The following PIAS4 variants were observed in gnomAD, a reference collection of about 807,000 sequenced individuals.
PIAS4 encodes E3 SUMO-protein ligase PIAS4.
PIAS4 carries 7 observed loss-of-function variants against 58.0 expected under a neutral mutation model. The observed-to-expected ratio is 0.12, with a 90% CI of 0.07 to 0.23. The LOEUF (loss-of-function observed/expected upper bound fraction) is 0.23. PIAS4 is among the 10% of genes least tolerant of loss of function. PIAS4 has a pLI of 1.00. For synonymous variants in PIAS4, 364 were observed against 312.4 expected, an observed-to-expected ratio of 1.17 and a Z score of -1.74; for missense variants, 550 against 709.5, an observed-to-expected ratio of 0.78 and a Z score of 2.55.
chr19:4,034,842 A>G (rs1229455741), intron 9 of PIAS4, among the ~76,000 whole-genome samples: 1 of 152,014 alleles, frequency 6.6e-6, no homozygotes, highest in Non-Finnish European at 1.5e-5. Flanking sequence ...CTTGGTTCAT[A>G]CTTTGTTCCA....
chr19:4,027,168 A>G (rs1179786063), intron 3 of PIAS4, among the ~76,000 whole-genome samples: 7 of 152,016 alleles, frequency 4.6e-5, no homozygotes, highest in Non-Finnish European at 1.5e-5. Context: ...TTGTATTTTT[A>G]GTAGAGACGA....
chr19:4,036,844 G>T (rs549869358), intron 9 of PIAS4, among the ~76,000 whole-genome samples: 14 of 140,684 alleles, frequency 1.0e-4, no homozygotes, highest in African/African-American at 4.3e-4. Context: ...ACACACACAC[G>T]CCCACACCCG....
intron 2 of PIAS4, among the ~76,000 whole-genome samples, chr19:4,023,612 CG>C (rs1163488282): frequency 1.3e-5 from 2 of 152,226 alleles, no homozygotes; most frequent in African/African-American, 4.8e-5. Context: ...CACCTCTGTC[CG>C]GGTGACGTGG....
At position 4,013,670 on chromosome 19, in the gene PIAS4, C is replaced by T. The variant is rs1347594207; in HGVS notation, c.454+321C>T. ...TGAGGCTCAGTCAGGCTGGAGCCAC[C>T]TCATCTGGAGGCTCGACCAGGGCTG... On this transcript the variant is annotated intron_variant, in intron 2 of 10. Coordinates refer to ENST00000262971, the MANE Select transcript of PIAS4 (RefSeq NM_015897.4). This position sits in a 1 kb window ranked among gnomAD's most constrained non-coding sequence, Gnocchi z 5.1. Among the ~76,000 whole-genome samples, 1 of 152,150 alleles carries T rather than the reference C, an allele frequency of 6.6e-6. No homozygotes were observed. The highest frequency in any genetic ancestry group is 1.5e-5 in the Non-Finnish European group (1 of 68,008).
chr19:4,022,872 T>A (rs2040124108), intron 2 of PIAS4, among the ~76,000 whole-genome samples: 1 of 151,524 alleles, frequency 6.6e-6, no homozygotes, highest in Non-Finnish European at 1.5e-5. Context: ...ACCCTGCTGT[T>A]TTTTTAAGAG....
intron 2 of PIAS4, among the ~76,000 whole-genome samples, chr19:4,014,149 G>A (rs1455744950): frequency 1.3e-5 from 2 of 152,338 alleles, no homozygotes; most frequent in East Asian, 1.9e-4. Context: ...TGCACCGGGC[G>A]TGCTGGGGGT....
intron 2 of PIAS4, among the ~76,000 whole-genome samples, chr19:4,015,116 G>C (rs2040038584): frequency 6.6e-6 from 1 of 152,216 alleles, no homozygotes; most frequent in African/African-American, 2.4e-5. Flanking sequence ...GTCTTGGCCT[G>C]AGTTCCATCG....
rs1460141183 is a variant in PIAS4, at chr19:4,038,181, G to C, written c.*306G>C. On this transcript the variant is annotated 3_prime_UTR_variant, in exon 11 of 11. Coordinates refer to ENST00000262971, the MANE Select transcript of PIAS4 (RefSeq NM_015897.4). This position sits in a 1 kb window ranked among gnomAD's most constrained non-coding sequence, Gnocchi z 4.1. ...CTGGAGTCCGAGCCGGGAAGGGGTA[G>C]TGGGCGGGAGGGACCAGGACGCCGC... The C allele has an allele frequency of 1.4e-5, 5 of 349,974 alleles. No homozygotes were observed. Among genetic ancestry groups the C allele is most frequent in the Non-Finnish European group, 1.6e-5 (3 of 191,224 alleles). 21.7% of individuals were successfully genotyped at this position (349,974 alleles called of 1,614,324 possible).
rs145587326 is a variant in PIAS4 at position 4,014,834 on chromosome 19, G to T, written c.454+1485G>T. On this transcript the variant is annotated intron_variant, in intron 2 of 10. Coordinates refer to ENST00000262971, the MANE Select transcript of PIAS4 (RefSeq NM_015897.4). ...GCGTTGATGGGGGTAGGGGGAAGGG[G>T]AACTGGCTGCTTTTCCCCTCCCATC... Among the ~76,000 whole-genome samples, 43 of 152,354 alleles carry T rather than the reference G, an allele frequency of 2.8e-4. No individual in the cohort carries two copies. The East Asian group carries it at 7.9e-3, about 28-fold the overall frequency.
chr19:4,038,224 G>A lies in PIAS4; in HGVS notation c.*349G>A, dbSNP rs937912119. The stretch of plus-strand genomic sequence containing the variant: ...GACGCCGCCCCGCGCCCTCCCCTCC[G>A]GATGCCCCGCCGCCCGCCGCCCTCT... On this transcript the variant is annotated 3_prime_UTR_variant, in exon 11 of 11. Coordinates refer to ENST00000262971, the MANE Select transcript of PIAS4 (RefSeq NM_015897.4). This position sits in a 1 kb window ranked among gnomAD's most constrained non-coding sequence, Gnocchi z 4.1. 1.6e-4 allele frequency: 41 copies of A among 251,386 alleles called. No homozygotes were observed. Among genetic ancestry groups the A allele is most frequent in the African/African-American group, 4.7e-4 (20 of 42,482 alleles). 15.6% of individuals were successfully genotyped at this position (251,386 alleles called of 1,614,324 possible).
intron 9 of PIAS4, 117 bp downstream of exon 9, chr19:4,033,697 T>C: frequency 1.2e-6 from 1 of 856,418 alleles, no homozygotes. Context: ...TGGGGGCACA[T>C]GGTCCTGGAG....
intron 9 of PIAS4, among the ~76,000 whole-genome samples, chr19:4,035,531 G>A (rs140818247): frequency 2.6e-5 from 4 of 152,242 alleles, no homozygotes; most frequent in East Asian, 1.9e-4. Context: ...TAAAAAGGCC[G>A]GACACAGTGG....
In PIAS4 at chr19:4,037,344, C is replaced by G. The variant is rs778531516; in HGVS notation, c.1143-30C>G. 5 of 1,582,288 alleles carry G rather than the reference C, an allele frequency of 3.2e-6. No individual in the cohort carries two copies. The South Asian group carries it at 5.7e-5, about 18-fold the overall frequency. The stretch of plus-strand genomic sequence containing the variant: ...AGTTGGGGGGGTGGGGCACCTCCAG[C>G]CCCGGCGTCAGCTGTCCGCCTCGCC... On this transcript the variant is annotated intron_variant, in intron 9 of 10. Transcript: ENST00000262971. This position sits in a 1 kb window ranked among gnomAD's most constrained non-coding sequence, Gnocchi z 5.8.
intron 9 of PIAS4, among the ~76,000 whole-genome samples, chr19:4,036,459 C>T (rs1022786605): frequency 9.7e-5 from 14 of 144,760 alleles, no homozygotes; most frequent in East Asian, 2.0e-4. Context: ...CACATCTATA[C>T]GGTCCACACC....
intron 2 of PIAS4, among the ~76,000 whole-genome samples, chr19:4,016,067 T>C (rs969106627): frequency 6.6e-6 from 1 of 152,170 alleles, no homozygotes; most frequent in Non-Finnish European, 1.5e-5. Flanking sequence ...GCCGACTGGC[T>C]CCTGCTCCTG....
chr19:4,034,197 G>T lies in PIAS4; in HGVS notation c.1142+617G>T, dbSNP rs1378790036. Among the ~76,000 whole-genome samples the T allele has an allele frequency of 5.9e-5, 9 of 152,260 alleles. No homozygotes were observed. The South Asian group carries it at 6.2e-4, about 11-fold the overall frequency. Reference sequence around the variant, plus strand: ...GCCGACCGCGCCCACCTCGTCCCCAGAGCCGCCGGCAGGGCGCGAGGCCAC... The same window carrying T: ...GCCGACCGCGCCCACCTCGTCCCCATAGCCGCCGGCAGGGCGCGAGGCCAC... On this transcript the variant is annotated intron_variant, in intron 9 of 10. Transcript: ENST00000262971.
At chr19:4,028,657 G>A (rs1315416910) in intron 5 of PIAS4, 57 bp downstream of exon 5, 1 of 1,605,108 alleles carries the variant, frequency 6.2e-7, no homozygotes. Context: ...TGGAGGGAGG[G>A]TGGGGGCCGT....
At position 4,029,020 on chromosome 19, in the gene PIAS4, G is replaced by A; in HGVS notation, c.891G>A (p.Glu297=). The change falls in exon 7 of 11, where the codon GAG becomes GAA. Residue 297 remains glutamate (E), a synonymous_variant. Transcript: ENST00000262971. ...RLKTIGVKHP[E]LCKALVKEKL... Reference sequence around the variant, plus strand: ...AGACCATTGGGGTAAAGCACCCGGAGCTGTGCAAGGCACTGGGTGAGCAGC... The same window carrying A: ...AGACCATTGGGGTAAAGCACCCGGAACTGTGCAAGGCACTGGGTGAGCAGC... 1.2e-6 allele frequency: 2 copies of A among 1,604,874 alleles called. No homozygotes were observed. Among genetic ancestry groups the A allele is most frequent in the Non-Finnish European group, 1.7e-6 (2 of 1,175,938 alleles).
chr19:4,024,245 C>A, intron 3 of PIAS4, 125 bp downstream of exon 3: 1 of 727,968 alleles, frequency 1.4e-6, no homozygotes, highest in Non-Finnish European at 2.4e-6. Flanking sequence ...CAGAACCGTG[C>A]TGCAAGGCAG....
Sources: allele counts gnomAD v4.1 joint callset (sites outside exome capture counted in the v4.1 genomes callset), GRCh38; gene constraint gnomAD v4.1.1; non-coding constraint Gnocchi (gnomAD v3.1); transcripts MANE v1.5; gene names NCBI Gene and HGNC (gene_info 2026-07-23, HGNC 2026-07-21).